PDE3B: variants seen among roughly 807,000 people sequenced by gnomAD.
PDE3B encodes the protein phosphodiesterase 3B, also known as cGMP-inhibited 3',5'-cyclic phosphodiesterase 3B.
In PDE3B, 66 loss-of-function variants were observed where a neutral mutation model predicts 116.8. That is an observed-to-expected ratio of 0.56 (90% CI 0.46 to 0.69). The LOEUF is 0.69. PDE3B is among the 30% of genes least tolerant of loss of function. The probability of loss-of-function intolerance (pLI) is 0.00; values close to 1 mark genes in which losing one functional copy is unlikely to be tolerated. For synonymous variants in PDE3B, 595 were observed against 533.6 expected (o/e 1.12, Z -1.59); for missense variants, 1,384 against 1,368.1 (o/e 1.01, Z -0.18).
At chr11:14,684,590 A>G (rs933915943) in intron 1 of PDE3B, among the ~76,000 whole-genome samples, 2 of 152,166 alleles carry the variant, frequency 1.3e-5, no homozygotes, top group Non-Finnish European at 2.9e-5. Context: ...TCTGACCTCA[A>G]ATTCACCAGG....
At chr11:14,879,562 C>G in the PDE3B span, 1 of 691,126 alleles carries the variant, frequency 1.4e-6, no homozygotes. Context: ...TAGATACATC[C>G]AGATTCAGAT....
chr11:14,782,164 C>A (rs182944048), intron 2 of PDE3B, among the ~76,000 whole-genome samples: 1 of 152,014 alleles, frequency 6.6e-6, no homozygotes, highest in African/African-American at 2.4e-5. Flanking sequence ...AAAGAGGACA[C>A]AAACAAGTGA....
chr11:14,840,436 C>A (rs908583510), intron 11 of PDE3B, among the ~76,000 whole-genome samples: 2 of 152,180 alleles, frequency 1.3e-5, no homozygotes, highest in Admixed American at 6.5e-5. Context: ...TCTCAATCAT[C>A]AAGGGGAAGA....
intron 1 of PDE3B, among the ~76,000 whole-genome samples, chr11:14,645,895 A>C (rs773500755): frequency 7.9e-5 from 12 of 152,340 alleles, no homozygotes; most frequent in African/African-American, 9.6e-5. Context: ...ATTATTGAGC[A>C]TTTATGAAGT....
chr11:14,839,191 T>A (rs750242877), intron 11 of PDE3B, among the ~76,000 whole-genome samples: 1 of 152,252 alleles, frequency 6.6e-6, no homozygotes, highest in Non-Finnish European at 1.5e-5. Context: ...ACCCATTTTC[T>A]GAATGTATAG....
chr11:14,723,011 T>C (rs953724759), intron 1 of PDE3B, among the ~76,000 whole-genome samples: 6 of 152,232 alleles, frequency 3.9e-5, no homozygotes, highest in African/African-American at 1.4e-4. Context: ...AATGTTGAAA[T>C]TAAGTATTTT....
rs761154937 is a variant in PDE3B at position 14,818,402 on chromosome 11, C to G, written c.1733+9C>G. The G allele has an allele frequency of 3.2e-6, 5 of 1,559,930 alleles. No homozygotes were observed. Among genetic ancestry groups the G allele is most frequent in the African/African-American group, 1.4e-5 (1 of 73,896 alleles). On this transcript the variant is annotated intron_variant, in intron 6 of 15. Transcript: ENST00000282096. Reference sequence around the variant, plus strand: ...AGCAATCTGTGTAACAGGTAAGTTTCCCAACTGTTTATTATTTCTGTTTCA... The same window carrying G: ...AGCAATCTGTGTAACAGGTAAGTTTGCCAACTGTTTATTATTTCTGTTTCA...
At chr11:14,718,476 C>A (rs1010244193) in intron 1 of PDE3B, among the ~76,000 whole-genome samples, 2 of 148,368 alleles carry the variant, frequency 1.3e-5, no homozygotes, top group African/African-American at 5.0e-5. Context: ...ACGTTTTTTT[C>A]AGCACCACAC....
chr11:14,713,235 T>C (rs893262542), intron 1 of PDE3B, among the ~76,000 whole-genome samples: 1 of 152,214 alleles, frequency 6.6e-6, no homozygotes, highest in Non-Finnish European at 1.5e-5. Context: ...TGCCTTGTGC[T>C]GAGTATCAAC....
chr11:14,683,094 C>T (rs946187422), intron 1 of PDE3B, among the ~76,000 whole-genome samples: 3 of 151,962 alleles, frequency 2.0e-5, no homozygotes, highest in African/African-American at 4.8e-5. Flanking sequence ...TGCGCCACAA[C>T]GCCTGGCTAA....
chr11:14,784,340 C>T (rs1858128894), intron 2 of PDE3B, among the ~76,000 whole-genome samples: 1 of 152,082 alleles, frequency 6.6e-6, no homozygotes, highest in African/African-American at 2.4e-5. Flanking sequence ...TTGATGATTG[C>T]AACAAAAATT....
chr11:14,704,825 G>A (rs1343831864), intron 1 of PDE3B, among the ~76,000 whole-genome samples: 1 of 151,332 alleles, frequency 6.6e-6, no homozygotes, highest in Admixed American at 6.6e-5. Flanking sequence ...ATAGAACACA[G>A]AAAACACAAA....
At chr11:14,738,438 T>C (rs543799885) in intron 1 of PDE3B, among the ~76,000 whole-genome samples, 1 of 152,382 alleles carries the variant, frequency 6.6e-6, no homozygotes, top group Non-Finnish European at 1.5e-5. Context: ...TGTCTGTTCA[T>C]ATCCTTTGCC....
intron 1 of PDE3B, among the ~76,000 whole-genome samples, chr11:14,722,034 C>G (rs770050598): frequency 1.3e-5 from 2 of 150,348 alleles, no homozygotes; most frequent in Non-Finnish European, 3.0e-5. Context: ...AAGCTGGAAA[C>G]CAGTCTCAGC....
At chr11:14,833,894 A>G (rs1184711901) in intron 10 of PDE3B, among the ~76,000 whole-genome samples, 3 of 152,198 alleles carry the variant, frequency 2.0e-5, no homozygotes, top group Non-Finnish European at 4.4e-5. Context: ...CTTCAAGGGA[A>G]ATGGAACGAA....
chr11:14,832,371 A>C (rs576915738), intron 9 of PDE3B, among the ~76,000 whole-genome samples: 45 of 152,372 alleles, frequency 3.0e-4, no homozygotes, highest in African/African-American at 1.1e-3. Context: ...AAAATGTGAT[A>C]AACTTAGTAT....
intron 4 of PDE3B, among the ~76,000 whole-genome samples, chr11:14,792,314 A>G (rs897452895): frequency 2.0e-5 from 3 of 152,180 alleles, no homozygotes; most frequent in Non-Finnish European, 4.4e-5. Flanking sequence ...GTTTTCTGGT[A>G]ATTTTGTTCT....
chr11:14,866,892 A>C (rs1225118373), intron 14 of PDE3B, among the ~76,000 whole-genome samples: 7 of 152,160 alleles, frequency 4.6e-5, no homozygotes, highest in Non-Finnish European at 8.8e-5. Flanking sequence ...CCAACACCAC[A>C]CAGGTAGTAG....
chr11:14,845,106 C>T (rs1301280135), intron 12 of PDE3B, among the ~76,000 whole-genome samples: 1 of 152,106 alleles, frequency 6.6e-6, no homozygotes, highest in Admixed American at 6.5e-5. Flanking sequence ...GGCAGACTGA[C>T]ACCTCACACG....
Sources: gnomAD v4.1 joint callset for allele counts (sites outside exome capture counted in the v4.1 genomes callset) on GRCh38, gnomAD v4.1.1 for gene constraint, MANE v1.5 for transcripts, NCBI Gene and HGNC (gene_info 2026-07-23, HGNC 2026-07-21) for gene names.